The following MMS22L variants were observed in gnomAD, a reference collection of about 807,000 sequenced individuals.
MMS22L encodes protein MMS22-like.
A neutral mutation model predicts 159.1 loss-of-function variants in MMS22L; 74 were observed. The observed-to-expected ratio is 0.47, with a 90% CI of 0.39 to 0.56. The LOEUF (loss-of-function observed/expected upper bound fraction) is 0.56, where lower values mean the gene tolerates loss of function less well. Ranked by LOEUF, MMS22L falls within the 20% of genes least tolerant of loss-of-function variation. The pLI is 0.00. For synonymous variants in MMS22L, 517 were observed against 506.9 expected (o/e 1.02, Z -0.27); for missense variants, 1,351 against 1,422.1 (o/e 0.95, Z 0.80).
intron 14 of MMS22L, among the ~76,000 whole-genome samples, chr6:97,211,844 G>A (rs977077848): frequency 6.6e-6 from 1 of 152,114 alleles, no homozygotes; most frequent in African/African-American, 2.4e-5. Context: ...AATGGAATGT[G>A]TGAAAGATGT....
At chr6:97,258,230 C>T (rs1202752396) in intron 9 of MMS22L, among the ~76,000 whole-genome samples, 1 of 152,138 alleles carries the variant, frequency 6.6e-6, no homozygotes, top group Non-Finnish European at 1.5e-5. Flanking sequence ...TAAAATAAAG[C>T]TATTTTAGCC....
chr6:97,196,404 A>G (rs1418125771), intron 14 of MMS22L, among the ~76,000 whole-genome samples: 2 of 152,222 alleles, frequency 1.3e-5, no homozygotes, highest in East Asian at 3.8e-4. Context: ...ATTCACAAAC[A>G]GTGTGGTATT....
chr6:97,151,120 G>T (rs1801275990), intron 23 of MMS22L, among the ~76,000 whole-genome samples: 1 of 152,124 alleles, frequency 6.6e-6, no homozygotes, highest in Non-Finnish European at 1.5e-5. Context: ...GAAGGCCTGT[G>T]TACCTGTCAT....
intron 3 of MMS22L, 36 bp from the exon 4 acceptor site, chr6:97,278,934 G>C: frequency 6.3e-7 from 1 of 1,578,330 alleles, no homozygotes; most frequent in Non-Finnish European, 8.7e-7. Flanking sequence ...GTTAATTTTA[G>C]AACACTTTAA....
At chr6:97,213,559 G>C (rs4072912) in intron 14 of MMS22L, among the ~76,000 whole-genome samples, 23,229 of 152,074 alleles carry the variant, frequency 0.15, 3,158 homozygotes, top group African/African-American at 0.35. Context: ...TGTTCATAGT[G>C]GCTCCCTTTG....
intron 15 of MMS22L, among the ~76,000 whole-genome samples, chr6:97,185,285 A>T (rs1805107236): frequency 6.6e-6 from 1 of 152,116 alleles, no homozygotes; most frequent in Admixed American, 6.6e-5. Context: ...CTTCTTCTCC[A>T]TTAGTATCTC....
At chr6:97,246,221 A>T (rs4577806) in intron 11 of MMS22L, 26,014 of 440,270 alleles carry the variant, frequency 0.059, 1,497 homozygotes, top group African/African-American at 0.21. Context: ...ATCAGTTAGA[A>T]TATGATTCAA....
At chr6:97,264,485 T>C (rs1392894724) in intron 8 of MMS22L, 4 of 152,108 alleles carry the variant, frequency 2.6e-5, no homozygotes, top group Admixed American at 2.0e-4. Flanking sequence ...GTAAGTTATG[T>C]ACACTTTTCT....
intron 14 of MMS22L, among the ~76,000 whole-genome samples, chr6:97,203,587 C>A (rs182371881): frequency 6.6e-6 from 1 of 152,332 alleles, no homozygotes; most frequent in Admixed American, 6.5e-5. Flanking sequence ...AGCTGATCCT[C>A]CTGTCCTTTC....
chr6:97,216,417 T>C (rs745754813), intron 14 of MMS22L, among the ~76,000 whole-genome samples: 3 of 152,096 alleles, frequency 2.0e-5, no homozygotes, highest in Non-Finnish European at 2.9e-5. Context: ...ATTTATTGAA[T>C]GTAAATGCTG....
At chr6:97,269,070 T>C (rs1361322830) in intron 7 of MMS22L, among the ~76,000 whole-genome samples, 1 of 151,968 alleles carries the variant, frequency 6.6e-6, no homozygotes, top group Non-Finnish European at 1.5e-5. Flanking sequence ...AAGATATTTA[T>C]CCATAATATG....
At position 97,203,147 on chromosome 6, in the gene MMS22L, GT is replaced by G. The variant is rs533668686; in HGVS notation, c.2040-16458del. Among the ~76,000 whole-genome samples the G allele has an allele frequency of 4.6e-5, 7 of 152,248 alleles. 1 individual carries two copies. The South Asian group carries it at 1.5e-3, about 32-fold the overall frequency. ...AATGCCTAGCAAGATCTTTTAAGCT[GT>G]TTTTCTTATCTTGTTCTTCAAAATT... On this transcript the variant is annotated intron_variant, in intron 14 of 24. Coordinates refer to ENST00000683635, the MANE Select transcript of MMS22L (RefSeq NM_001350599.2).
intron 14 of MMS22L, among the ~76,000 whole-genome samples, chr6:97,205,030 G>A (rs906882921): frequency 1.2e-4 from 16 of 129,898 alleles, no homozygotes; most frequent in African/African-American, 4.3e-4. Context: ...TGCAAGCTCC[G>A]CCTCCCAGGT....
chr6:97,250,185 T>C (rs1216405350), intron 10 of MMS22L, among the ~76,000 whole-genome samples: 1 of 152,060 alleles, frequency 6.6e-6, no homozygotes, highest in Non-Finnish European at 1.5e-5. Flanking sequence ...AGAAAGCAGG[T>C]AGGATGTCAT....
At chr6:97,236,898 C>A (rs1199711467) in intron 11 of MMS22L, among the ~76,000 whole-genome samples, 4 of 150,864 alleles carry the variant, frequency 2.7e-5, no homozygotes, top group African/African-American at 9.8e-5. Context: ...TTGCAGTGAG[C>A]CGAAATAGCG....
rs757777428 is a variant in MMS22L, at chr6:97,231,486, T to C, written c.1469A>G (p.Lys490Arg). Residue 490 changes from lysine (K) to arginine (R), a missense_variant, in exon 13 of 25, where the codon AAA (lysine) becomes AGA (arginine). By Grantham distance (26) the Lys-to-Arg change is conservative (BLOSUM62 2). Transcript: ENST00000683635. The stretch of plus-strand genomic sequence containing the variant: ...GCTCTTCATTGCTTTTTTAACAACT[T>C]TTGCCAGAATACAAAGAAAAATAGT... ...SYTIFLCILA[K>R]VVKKAMKSNG... 8.8e-5 allele frequency: 142 copies of C among 1,613,676 alleles called. No individual in the cohort carries two copies. Among genetic ancestry groups the C allele is most frequent in the Non-Finnish European group, 1.2e-4 (141 of 1,179,850 alleles).
At chr6:97,193,886 G>A (rs1003277852) in intron 14 of MMS22L, among the ~76,000 whole-genome samples, 1 of 151,948 alleles carries the variant, frequency 6.6e-6, no homozygotes, top group East Asian at 1.9e-4. Context: ...TCAGCTTCTC[G>A]AGTAGCTGGG....
At chr6:97,266,150 C>A (rs990506443) in intron 8 of MMS22L, 1 of 151,956 alleles carries the variant, frequency 6.6e-6, no homozygotes, top group African/African-American at 2.4e-5. Flanking sequence ...ATGGCTATTA[C>A]CAAAAAGACA....
chr6:97,251,817 C>T (rs1283929954), intron 10 of MMS22L, among the ~76,000 whole-genome samples: 1 of 152,212 alleles, frequency 6.6e-6, no homozygotes, highest in Non-Finnish European at 1.5e-5. Flanking sequence ...GGTACGGTGG[C>T]TCACGCCTGT....
Sources: allele counts gnomAD v4.1 joint callset (sites outside exome capture counted in the v4.1 genomes callset), GRCh38; gene constraint gnomAD v4.1.1; transcripts MANE v1.5; gene names NCBI Gene and HGNC (gene_info 2026-07-23, HGNC 2026-07-21).